SLC11A1: variants seen among roughly 807,000 people sequenced by gnomAD.
SLC11A1 encodes the protein natural resistance-associated macrophage protein 1.
SLC11A1 carries 59 observed loss-of-function variants against 63.2 expected under a neutral mutation model. The observed-to-expected ratio is 0.93, with a 90% CI of 0.76 to 1.16. The LOEUF (loss-of-function observed/expected upper bound fraction) is 1.16. SLC11A1 is among the 50% of genes most tolerant of loss of function. The pLI is 0.00. For missense variants in SLC11A1, 688 were observed against 730.7 expected (o/e 0.94, Z 0.67); for synonymous variants, 305 against 307.8 (o/e 0.99, Z 0.09).
At chr2:218,388,887 G>A (rs1017241637) in intron 8 of SLC11A1, among the ~76,000 whole-genome samples, 2 of 152,156 alleles carry the variant, frequency 1.3e-5, no homozygotes, top group Non-Finnish European at 2.9e-5. Flanking sequence ...AGAGGCAGGT[G>A]GATCGCTTGA....
chr2:218,387,006 C>T (rs11677367), intron 5 of SLC11A1, 154 bp from the exon 6 acceptor site: 2 of 736,376 alleles, frequency 2.7e-6, no homozygotes, highest in Non-Finnish European at 4.8e-6. Context: ...CTCGACTGTT[C>T]TATGCCACAC....
rs778126984 is a variant in SLC11A1 at position 218,394,801 on chromosome 2, G to T, written c.1542+16G>T. The stretch of plus-strand genomic sequence containing the variant: ...CACCTACCTGGTACAGTAGGGCCAG[G>T]GGATGCCTTGGGAATGGATGAGGGA... On this transcript the variant is annotated intron_variant, in intron 14 of 14. Transcript: ENST00000233202. The T allele has an allele frequency of 6.2e-7, 1 of 1,610,706 alleles. No individual in the cohort carries two copies. The highest frequency in any genetic ancestry group is 1.7e-5 in the Admixed American group (1 of 60,014).
At chr2:218,382,574 C>T (rs967160095) in intron 1 of SLC11A1, among the ~76,000 whole-genome samples, 199 bp downstream of exon 1, 7 of 152,216 alleles carry the variant, frequency 4.6e-5, no homozygotes, top group South Asian at 2.1e-4. Flanking sequence ...CACCCCTAAG[C>T]GGTCTACCTT....
chr2:218,392,702 C>T (rs1444214372), intron 11 of SLC11A1: 1 of 373,982 alleles, frequency 2.7e-6, no homozygotes. Flanking sequence ...AAAACAGATC[C>T]TGACAGATGA....
Position 218,396,071 on chromosome 2 carries a change from C to T in SLC11A1, c.*1036C>T, listed in dbSNP as rs1291766629. The T allele has an allele frequency of 6.6e-6, 1 of 152,340 alleles. No homozygotes were observed. The highest frequency in any genetic ancestry group is 1.5e-5 in the Non-Finnish European group (1 of 68,062). The allele number at this position is 152,340 out of a possible 1,614,324, so 9.4% of individuals were successfully genotyped here. A position where few individuals can be genotyped will look rare whatever the true frequency, so the allele number is the denominator to read the frequency against. On this transcript the variant is annotated 3_prime_UTR_variant, in exon 15 of 15. Coordinates refer to ENST00000233202, the MANE Select transcript of SLC11A1 (RefSeq NM_000578.4). ...CCGCGCCGTTACCGCTCCCTCTCTG[C>T]TGACTGCTCCCCCTAGGGGCAGAGA...
chr2:218,395,528 G>T lies in SLC11A1; in HGVS notation c.*493G>T, dbSNP rs939159795. On this transcript the variant is annotated 3_prime_UTR_variant, in exon 15 of 15. Coordinates refer to ENST00000233202, the MANE Select transcript of SLC11A1 (RefSeq NM_000578.4). Reference sequence around the variant, plus strand: ...GTTGCCAAGGCTGGAGTGCAGTGGCGCAATCTTAACTCATTGCAACCTCCA... The same window carrying T: ...GTTGCCAAGGCTGGAGTGCAGTGGCTCAATCTTAACTCATTGCAACCTCCA... The T allele has an allele frequency of 1.3e-5, 2 of 154,970 alleles. No homozygotes were observed. Among genetic ancestry groups the T allele is most frequent in the South Asian group, 3.7e-4 (2 of 5,434 alleles). The allele number at this position is 154,970 out of a possible 1,614,324, so 9.6% of individuals were successfully genotyped here.
intron 9 of SLC11A1, 75 bp downstream of exon 9, chr2:218,390,103 C>A: frequency 6.7e-7 from 1 of 1,485,296 alleles, no homozygotes. Flanking sequence ...GGACCCTAGG[C>A]AATGCAGCTG....
intron 6 of SLC11A1, 104 bp from the exon 7 acceptor site, chr2:218,387,461 C>CT: frequency 8.4e-7 from 1 of 1,191,800 alleles, no homozygotes; most frequent in Non-Finnish European, 1.2e-6. Context: ...ATGTTAAGCA[C>CT]TTGGCACTGT....
chr2:218,386,421 C>A (rs1297291246), intron 4 of SLC11A1, among the ~76,000 whole-genome samples: 1 of 150,860 alleles, frequency 6.6e-6, no homozygotes, highest in Non-Finnish European at 1.5e-5. Context: ...CATTGCACTC[C>A]AGCCTGGGCA....
At chr2:218,394,556 C>G in intron 13 of SLC11A1, 76 bp from the exon 14 acceptor site, 1 of 1,508,456 alleles carries the variant, frequency 6.6e-7, no homozygotes, top group South Asian at 1.2e-5. Flanking sequence ...AGTGTGGGCG[C>G]TGGGAGATGA....
In SLC11A1 at chr2:218,392,919, A is replaced by G. The variant is rs1696534894; in HGVS notation, c.1165-62A>G. The G allele has an allele frequency of 1.5e-5, 20 of 1,366,298 alleles. 1 individual carries two copies. Among genetic ancestry groups the G allele is most frequent in the Non-Finnish European group, 1.9e-5 (19 of 1,010,960 alleles). The allele number at this position is 1,366,298 out of a possible 1,614,324, so 84.6% of individuals were successfully genotyped here. ...TAAATCGGTTGAGGGACTACAGAGGATCTCTCCTCTGGAATCCCCAGTCCT... is the reference window on the plus strand; with the variant it reads ...TAAATCGGTTGAGGGACTACAGAGGGTCTCTCCTCTGGAATCCCCAGTCCT... On this transcript the variant is annotated intron_variant, in intron 11 of 14. Coordinates refer to ENST00000233202, the MANE Select transcript of SLC11A1 (RefSeq NM_000578.4).
At chr2:218,383,624 C>T (rs1695920788) in intron 2 of SLC11A1, 1 of 152,752 alleles carries the variant, frequency 6.5e-6, no homozygotes, top group Non-Finnish European at 1.5e-5. Flanking sequence ...GGATTACAGG[C>T]ATGCACCACC....
At chr2:218,387,059 C>G in intron 5 of SLC11A1, 101 bp from the exon 6 acceptor site, 1 of 1,106,550 alleles carries the variant, frequency 9.0e-7, no homozygotes, top group Non-Finnish European at 1.4e-6. Context: ...GCTTAGGGTC[C>G]TGCTCCCAGG....
chr2:218,390,134 CT>C, intron 9 of SLC11A1, 106 bp downstream of exon 9: 1 of 1,174,498 alleles, frequency 8.5e-7, no homozygotes, highest in Non-Finnish European at 1.2e-6. Flanking sequence ...AGTCTCTGCC[CT>C]GATGATCTTC....
In SLC11A1 at chr2:218,395,069, A is replaced by G; in HGVS notation, c.*34A>G. 1.3e-6 allele frequency: 2 copies of G among 1,496,160 alleles called. No individual in the cohort carries two copies. The highest frequency in any genetic ancestry group is 1.8e-6 in the Non-Finnish European group (2 of 1,094,600). The allele number at this position is 1,496,160 out of a possible 1,614,324, so 92.7% of individuals were successfully genotyped here. A position where few individuals can be genotyped will look rare whatever the true frequency, so the allele number is the denominator to read the frequency against. On this transcript the variant is annotated 3_prime_UTR_variant, in exon 15 of 15. Transcript: ENST00000233202. ...CAGGGCCTGGCTGGGAGTGGCATGTATGACGTGACTGGCCTGCTGGATGTG... is the reference window on the plus strand; with the variant it reads ...CAGGGCCTGGCTGGGAGTGGCATGTGTGACGTGACTGGCCTGCTGGATGTG...
chr2:218,384,389 G>C lies in SLC11A1; in HGVS notation c.273+24G>C, dbSNP rs770324302. ...AAGTAACTAAGTCGGGACCTGAGTGGGGACACTTTCGAGAGGGAGGTGACC... is the reference window on the plus strand; with the variant it reads ...AAGTAACTAAGTCGGGACCTGAGTGCGGACACTTTCGAGAGGGAGGTGACC... On this transcript the variant is annotated intron_variant, in intron 3 of 14. Coordinates refer to ENST00000233202, the MANE Select transcript of SLC11A1 (RefSeq NM_000578.4). This position sits in a 1 kb window ranked among gnomAD's most constrained non-coding sequence, Gnocchi z 4.0. 6.3e-7 allele frequency: 1 copy of C among 1,582,838 alleles called. No homozygotes were observed. Among genetic ancestry groups the C allele is most frequent in the Admixed American group, 1.7e-5 (1 of 58,912 alleles).
At chr2:218,392,854 C>A (rs779247463) in intron 11 of SLC11A1, 127 bp from the exon 12 acceptor site, 2 of 707,796 alleles carry the variant, frequency 2.8e-6, no homozygotes, top group Non-Finnish European at 2.2e-6. Flanking sequence ...ACAGAGCTGT[C>A]CCAGTTCAAC....
chr2:218,387,801 A>G lies in SLC11A1; in HGVS notation c.641A>G (p.Tyr214Cys). Residue 214 changes from tyrosine (Y) to cysteine (C), a missense_variant and splice_region_variant, in exon 8 of 15, where the codon TAT becomes TGT. Coordinates refer to ENST00000233202, the MANE Select transcript of SLC11A1 (RefSeq NM_000578.4). ...TIMALTFGYE[Y>C]VVARPEQGAL... ...TCCTGACCAGGCTCCTCCCTGCAGT[A>G]TGTGGTGGCGCGTCCTGAGCAGGGA... 1.2e-6 allele frequency: 2 copies of G among 1,609,522 alleles called. No individual in the cohort carries two copies. Among genetic ancestry groups the G allele is most frequent in the African/African-American group, 1.3e-5 (1 of 74,892 alleles).
At chr2:218,389,445 T>G (rs1043209428) in intron 8 of SLC11A1, among the ~76,000 whole-genome samples, 1 of 152,074 alleles carries the variant, frequency 6.6e-6, no homozygotes, top group African/African-American at 2.4e-5. Flanking sequence ...CCCAGCTACT[T>G]AGGAGGCTGG....
Sources: gnomAD v4.1 joint callset for allele counts (sites outside exome capture counted in the v4.1 genomes callset) on GRCh38, gnomAD v4.1.1 for gene constraint, Gnocchi (gnomAD v3.1) non-coding constraint, MANE v1.5 for transcripts, NCBI Gene and HGNC (gene_info 2026-07-23, HGNC 2026-07-21) for gene names.